Variants in ZBBX observed in about 807,000 individuals in gnomAD.
The protein encoded by ZBBX is zinc finger B-box domain containing.
ZBBX carries 101 observed loss-of-function variants against 108.5 expected under a neutral mutation model. The ratio of observed to expected loss-of-function variants is 0.93; its 90% CI spans 0.79 to 1.10. The LOEUF is 1.10. Among genes scored for constraint, ZBBX ranks in the 50% least tolerant of loss-of-function variants. The probability of loss-of-function intolerance (pLI) is 0.00; values close to 1 mark genes in which losing one functional copy is unlikely to be tolerated. For synonymous variants in ZBBX, 356 were observed against 323.4 expected (o/e 1.10, Z -1.08); for missense variants, 1,009 against 941.4 (o/e 1.07, Z -0.94).
At chr3:167,357,593 G>T (rs555998157) in intron 8 of ZBBX, among the ~76,000 whole-genome samples, 2 of 152,072 alleles carry the variant, frequency 1.3e-5, no homozygotes, top group South Asian at 2.1e-4. Flanking sequence ...AGCCAAAAGG[G>T]GGAAGCAACC....
chr3:167,222,775 A>C, the ZBBX span, among the ~76,000 whole-genome samples: 7,794 of 152,026 alleles, frequency 0.051, 551 homozygotes, highest in African/African-American at 0.16. Flanking sequence ...AATGATAGAC[A>C]CCAGAGGCTG....
chr3:167,191,934 T>TATATATATAGAGAGAG, the ZBBX span, among the ~76,000 whole-genome samples: 3 of 130,222 alleles, frequency 2.3e-5, no homozygotes, highest in African/African-American at 3.0e-5. Flanking sequence ...TATATATATA[T>TATATATATAGAGAGAG]AGAGCAAGTT....
chr3:167,183,565 A>C, the ZBBX span, among the ~76,000 whole-genome samples: 1 of 152,360 alleles, frequency 6.6e-6, no homozygotes, highest in South Asian at 2.1e-4. Flanking sequence ...AGTTTTACCC[A>C]CATATTTATC....
At chr3:167,385,281 A>G (rs1366195350), upstream of ZBBX, among the ~76,000 whole-genome samples, 2 of 152,018 alleles carry the variant, frequency 1.3e-5, no homozygotes, top group Non-Finnish European at 2.9e-5. Flanking sequence ...CAACTCTAAC[A>G]CAATGGTCAG....
downstream of ZBBX, among the ~76,000 whole-genome samples, chr3:167,235,562 A>C (rs1447338892): frequency 6.6e-6 from 1 of 151,570 alleles, no homozygotes; most frequent in East Asian, 1.9e-4. Context: ...ATAGAAAGCA[A>C]TACACATATT....
At chr3:167,214,866 A>G in the ZBBX span, among the ~76,000 whole-genome samples, 9 of 152,200 alleles carry the variant, frequency 5.9e-5, no homozygotes, top group Admixed American at 5.9e-4. Flanking sequence ...GTGGAAAGTA[A>G]AACAACATTT....
intron 20 of ZBBX, among the ~76,000 whole-genome samples, chr3:167,269,987 C>A (rs908724813): frequency 4.6e-5 from 7 of 152,182 alleles, no homozygotes; most frequent in African/African-American, 1.7e-4. Context: ...GGTTTGCAGA[C>A]TCACCCAACC....
At chr3:167,185,996 C>T in the ZBBX span, among the ~76,000 whole-genome samples, 2 of 151,904 alleles carry the variant, frequency 1.3e-5, no homozygotes, top group African/African-American at 4.8e-5. Context: ...TTTCAATATG[C>T]AGCATTATAG....
intron 19 of ZBBX, among the ~76,000 whole-genome samples, chr3:167,283,317 A>C (rs1489496980): frequency 1.3e-5 from 2 of 152,216 alleles, no homozygotes; most frequent in African/African-American, 4.8e-5. Context: ...AATAAGGCCA[A>C]GACAGTTTTC....
chr3:167,303,499 G>GCAT (rs1388784522), intron 17 of ZBBX, among the ~76,000 whole-genome samples: 1 of 151,768 alleles, frequency 6.6e-6, no homozygotes, highest in Non-Finnish European at 1.5e-5. Flanking sequence ...ATTATTTCTT[G>GCAT]CATCCTACTT....
chr3:167,231,960 T>C, the ZBBX span, among the ~76,000 whole-genome samples: 1 of 151,840 alleles, frequency 6.6e-6, no homozygotes, highest in African/African-American at 2.4e-5. Flanking sequence ...GAATCATTTT[T>C]ACTTCTACTT....
chr3:167,257,107 C>G (rs1425663169), intron 20 of ZBBX, among the ~76,000 whole-genome samples: 4 of 152,092 alleles, frequency 2.6e-5, no homozygotes, highest in Non-Finnish European at 4.4e-5. Flanking sequence ...ACAAGGGTTC[C>G]CTTTTCTCCA....
chr3:167,250,655 C>T (rs1188433999), intron 20 of ZBBX, among the ~76,000 whole-genome samples: 1 of 152,032 alleles, frequency 6.6e-6, no homozygotes, highest in Non-Finnish European at 1.5e-5. Context: ...CTGCCATTTA[C>T]CCCAGAACAA....
chr3:167,239,362 GT>G (rs1445850267), downstream of ZBBX, among the ~76,000 whole-genome samples: 1 of 151,992 alleles, frequency 6.6e-6, no homozygotes, highest in Admixed American at 6.6e-5. Flanking sequence ...AAAAACATAG[GT>G]TTGAACTGTG....
At chr3:167,404,208 T>A (rs62279798) in intron 1 of ZBBX, among the ~76,000 whole-genome samples, 26,704 of 152,078 alleles carry the variant, frequency 0.18, 2,906 homozygotes, top group South Asian at 0.29. Flanking sequence ...TAATGATAAA[T>A]GGAATTCGTT....
intron 1 of ZBBX, among the ~76,000 whole-genome samples, chr3:167,385,862 A>T (rs1337079496): frequency 6.6e-6 from 1 of 152,036 alleles, no homozygotes; most frequent in African/African-American, 2.4e-5. Flanking sequence ...GCATAACTGT[A>T]TAAGGTTAGT....
At chr3:167,351,704 G>A (rs1027046890) in intron 8 of ZBBX, among the ~76,000 whole-genome samples, 11 of 152,140 alleles carry the variant, frequency 7.2e-5, no homozygotes, top group Non-Finnish European at 1.5e-4. Flanking sequence ...CTGAGCAGCT[G>A]CACTAAGGTG....
At chr3:167,279,939 C>A (rs559140885) in intron 20 of ZBBX, among the ~76,000 whole-genome samples, 26 of 151,642 alleles carry the variant, frequency 1.7e-4, no homozygotes, top group Non-Finnish European at 3.7e-4. Context: ...TCAGAAATAA[C>A]GCCGCATATC....
At chr3:167,277,498 A>C (rs929237694) in intron 20 of ZBBX, among the ~76,000 whole-genome samples, 16 of 152,184 alleles carry the variant, frequency 1.1e-4, no homozygotes, top group African/African-American at 3.6e-4. Flanking sequence ...AAAAGAGACA[A>C]AGAAGGCCAT....
Sources: allele counts gnomAD v4.1 joint callset (sites outside exome capture counted in the v4.1 genomes callset), GRCh38; gene constraint gnomAD v4.1.1; transcripts MANE v1.5; gene names NCBI Gene and HGNC (gene_info 2026-07-23, HGNC 2026-07-21).